Variants in NCOR2 observed in about 807,000 individuals in gnomAD.
NCOR2 encodes the protein CTG repeat protein 26.
In NCOR2, 81 loss-of-function variants were observed where a neutral mutation model predicts 262.9. The ratio of observed to expected loss-of-function variants is 0.31; its 90% CI spans 0.26 to 0.37. The LOEUF is 0.37. Among genes scored for constraint, NCOR2 ranks in the 10% least tolerant of loss-of-function variants. The probability of loss-of-function intolerance (pLI) is 1.00; values close to 1 mark genes in which losing one functional copy is unlikely to be tolerated. For synonymous variants in NCOR2, 1,659 were observed against 1,559.3 expected, an observed-to-expected ratio of 1.06 and a Z score of -1.51; for missense variants, 3,385 against 3,621.4, an observed-to-expected ratio of 0.93 and a Z score of 1.68.
chr12:124,421,519 G>T (rs1002217106), intron 12 of NCOR2, among the ~76,000 whole-genome samples: 1 of 152,168 alleles, frequency 6.6e-6, no homozygotes, highest in Non-Finnish European at 1.5e-5. Flanking sequence ...CACTCTGCTC[G>T]GTCTCTCTCC....
chr12:124,422,562 G>A lies in NCOR2; in HGVS notation c.1329-7C>T. On this transcript the variant is annotated splice_polypyrimidine_tract_variant and splice_region_variant and intron_variant, in intron 11 of 46. Transcript: ENST00000405201. ...CTTGGGATGCTGCATGAACCTGCGGGACGAGAAGGGTGGGCGTGAGACCTG... is the reference window on the plus strand; with the variant it reads ...CTTGGGATGCTGCATGAACCTGCGGAACGAGAAGGGTGGGCGTGAGACCTG... 2 of 1,613,888 alleles carry A rather than the reference G, an allele frequency of 1.2e-6. No individual in the cohort carries two copies. The highest frequency in any genetic ancestry group is 1.1e-5 in the South Asian group (1 of 91,084).
intron 14 of NCOR2, among the ~76,000 whole-genome samples, chr12:124,400,988 T>A (rs1028955710): frequency 4.6e-5 from 7 of 152,148 alleles, no homozygotes; most frequent in Admixed American, 3.9e-4. Context: ...GAGGACTGCT[T>A]GAGCCCAGGA....
chr12:124,363,574 G>C (rs931205726), intron 21 of NCOR2, 105 bp downstream of exon 23: 2 of 1,067,760 alleles, frequency 1.9e-6, no homozygotes, highest in Non-Finnish European at 2.5e-6. Context: ...AAGCGGATGA[G>C]CTAGGCTGCA....
intron 7 of NCOR2, among the ~76,000 whole-genome samples, chr12:124,449,099 C>T (rs1226935097): frequency 2.0e-5 from 3 of 152,182 alleles, no homozygotes; most frequent in Non-Finnish European, 2.9e-5. Context: ...TCTATGCTCC[C>T]GTTAATGCAT....
At chr12:124,411,666 C>T (rs1401683152) in intron 13 of NCOR2, among the ~76,000 whole-genome samples, 3 of 152,250 alleles carry the variant, frequency 2.0e-5, no homozygotes, top group African/African-American at 4.8e-5. Context: ...ACTAGGATAA[C>T]GCGGCCCTTC....
At chr12:124,349,731 G>A (rs1399808117) in intron 28 of NCOR2, among the ~76,000 whole-genome samples, 1 of 152,106 alleles carries the variant, frequency 6.6e-6, no homozygotes, top group Non-Finnish European at 1.5e-5. Context: ...ACTGGTCTGG[G>A]GTCCCAAGGT....
chr12:124,341,759 G>A lies in NCOR2; in HGVS notation c.5188+64C>T. 5 of 1,544,820 alleles carry A rather than the reference G, an allele frequency of 3.2e-6. No homozygotes were observed. The Admixed American group carries it at 7.0e-5, about 22-fold the overall frequency. On this transcript the variant is annotated intron_variant, in intron 34 of 46. Transcript: ENST00000405201. ...CTAGCTGCCTCCGCGAGGCCACAGG[G>A]GCACGCCCATGTCCTTTGGGAATAA... is the stretch of plus-strand genomic sequence containing the variant.
At chr12:124,360,008 G>A (rs1210111712) in intron 22 of NCOR2, among the ~76,000 whole-genome samples, 2 of 152,238 alleles carry the variant, frequency 1.3e-5, no homozygotes, top group South Asian at 2.1e-4. Context: ...ACAGGCCCTG[G>A]CCACACCAAC....
intron 24 of NCOR2, 57 bp downstream of exon 26, chr12:124,355,375 C>T (rs1337838895): frequency 6.9e-6 from 11 of 1,584,990 alleles, no homozygotes; most frequent in South Asian, 1.1e-5. Context: ...GGTCCCATTG[C>T]CCCCACTTTA....
intron 16 of NCOR2, among the ~76,000 whole-genome samples, chr12:124,395,637 C>T (rs2041605401): frequency 6.6e-6 from 1 of 152,170 alleles, no homozygotes; most frequent in South Asian, 2.1e-4. Flanking sequence ...CGGATCTGCC[C>T]TTCCAGAAGG....
chr12:124,438,558 GC>G lies in NCOR2; in HGVS notation c.816-563del, dbSNP rs374146782. Among the ~76,000 whole-genome samples, 335 of 151,852 alleles carry G rather than the reference GC, an allele frequency of 2.2e-3. 1 individual carries two copies. The highest frequency in any genetic ancestry group is 6.8e-3 in the African/African-American group (281 of 41,206). Reference sequence around the variant, plus strand: ...GGCATGGACTTCAGGAAACCCCCGGGCGGGGGCGGTCTCAGACTTCAGGGCA... The same window carrying G: ...GGCATGGACTTCAGGAAACCCCCGGGGGGGGCGGTCTCAGACTTCAGGGCA... On this transcript the variant is annotated intron_variant, in intron 7 of 46. Coordinates refer to ENST00000405201, the Ensembl canonical transcript of NCOR2.
rs1035973788 is a variant in NCOR2, at chr12:124,517,554, C to G, written c.-118+18011G>C. On this transcript the variant is annotated intron_variant, in intron 1 of 46. Transcript: ENST00000404621. The surrounding 1 kb of genome is among the most constrained non-coding windows in gnomAD (Gnocchi z 7.6). ...CGGGGCCGGGCTGCAGCGCTGCCTG[C>G]ACCTGGCTCTCCCCTGCCTGAGCCC... Among the ~76,000 whole-genome samples, 1 of 152,192 alleles carries G rather than the reference C, an allele frequency of 6.6e-6. No individual in the cohort carries two copies. The highest frequency in any genetic ancestry group is 6.5e-5 in the Admixed American group (1 of 15,286).
In NCOR2 at chr12:124,531,926, A is replaced by G. The variant is rs1399466128; in HGVS notation, c.-118+3639T>C. 6.6e-6 allele frequency among the ~76,000 whole-genome samples: 1 copy of G among 150,528 alleles called. No homozygotes were observed. The highest frequency in any genetic ancestry group is 6.6e-5 in the Admixed American group (1 of 15,078). The stretch of plus-strand genomic sequence containing the variant: ...TGAAGAATCCACTCACAGAGTTTCG[A>G]GTCACGGGCAACCCACTTTTGGGGC... On this transcript the variant is annotated intron_variant, in intron 1 of 46. Transcript: ENST00000404621. The surrounding 1 kb of genome is among the most constrained non-coding windows in gnomAD (Gnocchi z 4.5).
At position 124,548,138 on chromosome 12, in the gene NCOR2, C is replaced by T. The variant is rs1011058461; in HGVS notation, c.-164-12527G>A. On this transcript the variant is annotated intron_variant, in intron 1 of 32. Transcript: ENST00000458234. This position sits in a 1 kb window ranked among gnomAD's most constrained non-coding sequence, Gnocchi z 5.1. Reference sequence around the variant, plus strand: ...ACCTCTCCTCCACTCTAACTCTCCTCCACATCACATCAGGCCTCCTAAACG... The same window carrying T: ...ACCTCTCCTCCACTCTAACTCTCCTTCACATCACATCAGGCCTCCTAAACG... 3.3e-5 allele frequency among the ~76,000 whole-genome samples: 5 copies of T among 152,062 alleles called. No homozygotes were observed. The highest frequency in any genetic ancestry group is 6.6e-5 in the Admixed American group (1 of 15,266).
chr12:124,335,675 G>A, intron 38 of NCOR2, 43 bp from the exon 41 acceptor site: 1 of 1,561,330 alleles, frequency 6.4e-7, no homozygotes, highest in African/African-American at 1.3e-5. Context: ...CGGGCCCAGG[G>A]TTTCGGAGCC....
At chr12:124,343,333 C>T in intron 32 of NCOR2, 107 bp from the exon 35 acceptor site, 1 of 817,816 alleles carries the variant, frequency 1.2e-6, no homozygotes, top group Non-Finnish European at 1.9e-6. Flanking sequence ...TCTTCATTCA[C>T]TCCTTCATTT....
At chr12:124,567,074 C>T (rs1267490585) in intron 1 of NCOR2, among the ~76,000 whole-genome samples, 1 of 152,170 alleles carries the variant, frequency 6.6e-6, no homozygotes, top group African/African-American at 2.4e-5. Context: ...TCCTTCCCGC[C>T]CCCTCGCTAG....
At chr12:124,346,942 G>T in intron 30 of NCOR2, 92 bp from the exon 33 acceptor site, 1 of 1,357,510 alleles carries the variant, frequency 7.4e-7, no homozygotes, top group South Asian at 1.7e-5. Context: ...TAGTCTGCCT[G>T]AGTTCAAATC....
At chr12:124,351,201 C>T (rs976920620) in intron 27 of NCOR2, among the ~76,000 whole-genome samples, 9 of 152,174 alleles carry the variant, frequency 5.9e-5, no homozygotes, top group Admixed American at 2.6e-4. Flanking sequence ...TTACCGAAAA[C>T]GGTAACTGGC....
Sources: gnomAD v4.1 joint callset for allele counts (sites outside exome capture counted in the v4.1 genomes callset) on GRCh38, gnomAD v4.1.1 for gene constraint, Gnocchi (gnomAD v3.1) non-coding constraint, MANE v1.5 for transcripts, NCBI Gene and HGNC (gene_info 2026-07-23, HGNC 2026-07-21) for gene names.